Variants in KCNMB2 observed in about 807,000 individuals in gnomAD.
KCNMB2 encodes potassium calcium-activated channel subfamily M regulatory beta subunit 2.
KCNMB2 carries 9 observed loss-of-function variants against 24.5 expected under a neutral mutation model. The ratio of observed to expected loss-of-function variants is 0.37; its 90% CI spans 0.22 to 0.64. The LOEUF is 0.64. Among genes scored for constraint, KCNMB2 ranks in the 30% least tolerant of loss-of-function variants. KCNMB2 has a pLI of 0.63. For synonymous variants in KCNMB2, 109 were observed against 104.4 expected, an observed-to-expected ratio of 1.04 and a Z score of -0.27; for missense variants, 226 against 284.3, an observed-to-expected ratio of 0.79 and a Z score of 1.47.
intron 1 of KCNMB2, among the ~76,000 whole-genome samples, chr3:178,722,050 G>C (rs557493244): frequency 6.6e-6 from 1 of 152,056 alleles, no homozygotes; most frequent in East Asian, 1.9e-4. Context: ...AGAGCAAAAG[G>C]TTTCATTTTG....
At chr3:178,806,511 T>C (rs1713975488) in intron 1 of KCNMB2, among the ~76,000 whole-genome samples, 2 of 152,158 alleles carry the variant, frequency 1.3e-5, no homozygotes, top group African/African-American at 4.8e-5. Context: ...TCACCAGTCT[T>C]CCTTCCTTTG....
chr3:178,571,404 T>A (rs1716774990), intron 1 of KCNMB2, among the ~76,000 whole-genome samples: 1 of 146,922 alleles, frequency 6.8e-6, no homozygotes, highest in African/African-American at 2.5e-5. Context: ...AGAAGGAATA[T>A]TTGTAGGTAA....
At chr3:178,581,026 T>C (rs921652341) in intron 1 of KCNMB2, among the ~76,000 whole-genome samples, 3 of 152,156 alleles carry the variant, frequency 2.0e-5, no homozygotes, top group Non-Finnish European at 4.4e-5. Context: ...ACCTTAAAGT[T>C]CATATGGAAT....
intron 1 of KCNMB2, among the ~76,000 whole-genome samples, chr3:178,700,889 T>C (rs1722067063): frequency 1.3e-5 from 2 of 152,222 alleles, no homozygotes; most frequent in Admixed American, 6.5e-5. Flanking sequence ...GCAAAAATTT[T>C]CTCCCATTCT....
intron 1 of KCNMB2, among the ~76,000 whole-genome samples, chr3:178,697,046 G>A (rs1041412189): frequency 6.6e-6 from 1 of 152,176 alleles, no homozygotes; most frequent in Non-Finnish European, 1.5e-5. Flanking sequence ...TTTAGAGTAT[G>A]TGCCATGTGG....
chr3:178,670,122 A>C (rs775410939), intron 1 of KCNMB2, among the ~76,000 whole-genome samples: 24 of 152,204 alleles, frequency 1.6e-4, no homozygotes, highest in Non-Finnish European at 2.8e-4. Context: ...TTATTGAGCC[A>C]GAAGCATCAT....
At chr3:178,601,252 G>A (rs1423508228) in intron 1 of KCNMB2, among the ~76,000 whole-genome samples, 1 of 152,018 alleles carries the variant, frequency 6.6e-6, no homozygotes, top group Non-Finnish European at 1.5e-5. Context: ...GCAGATGACA[G>A]GTTGATGGGT....
intron 1 of KCNMB2, among the ~76,000 whole-genome samples, chr3:178,607,582 A>G (rs923154195): frequency 1.5e-4 from 23 of 151,862 alleles, no homozygotes; most frequent in African/African-American, 4.8e-4. Context: ...AGTAAATGCA[A>G]TTGTCAATTT....
intron 1 of KCNMB2, among the ~76,000 whole-genome samples, chr3:178,758,116 ATATATATATGTACACACAAGAG>A (rs1724245236): frequency 1.1e-5 from 1 of 90,468 alleles, no homozygotes; most frequent in East Asian, 3.8e-4. Context: ...ACACAAGAGG[ATATATATATGTACACACAAGAG>A]GATATATATA....
chr3:178,578,387 A>C (rs570509439), intron 1 of KCNMB2, among the ~76,000 whole-genome samples: 1 of 152,354 alleles, frequency 6.6e-6, no homozygotes, highest in African/African-American at 2.4e-5. Context: ...TGCACTAAAT[A>C]TGGAGAGGAA....
intron 1 of KCNMB2, among the ~76,000 whole-genome samples, chr3:178,562,497 A>G (rs1282726216): frequency 2.6e-5 from 4 of 152,208 alleles, no homozygotes; most frequent in Non-Finnish European, 5.9e-5. Context: ...AGGCTAAGAA[A>G]AGAAACTTGG....
intron 1 of KCNMB2, among the ~76,000 whole-genome samples, chr3:178,780,977 T>C (rs1712806528): frequency 6.6e-6 from 1 of 152,086 alleles, no homozygotes; most frequent in African/African-American, 2.4e-5. Flanking sequence ...GCACTCCAAA[T>C]GTGGTTGGTC....
chr3:178,680,412 C>G (rs1221094390), intron 1 of KCNMB2, among the ~76,000 whole-genome samples: 1 of 152,232 alleles, frequency 6.6e-6, no homozygotes, highest in Non-Finnish European at 1.5e-5. Flanking sequence ...GGTTGTCACT[C>G]ACCTGGGCTA....
At position 178,828,167 on chromosome 3, in the gene KCNMB2, T is replaced by C. The variant is rs1204584472; in HGVS notation, c.228-11T>C. 4 of 1,609,200 alleles carry C rather than the reference T, an allele frequency of 2.5e-6. No homozygotes were observed. The highest frequency in any genetic ancestry group is 1.7e-4 in the Middle Eastern group (1 of 6,042). ...TTGGGCCTGTGTTTACTCTCACCCC[T>C]TTCTCTGCAGCGTGTGGACCGAAGA... On this transcript the variant is annotated splice_polypyrimidine_tract_variant and intron_variant, in intron 3 of 4. Transcript: ENST00000452583.
intron 1 of KCNMB2, among the ~76,000 whole-genome samples, chr3:178,568,717 T>C (rs1209029960): frequency 6.6e-6 from 1 of 151,916 alleles, no homozygotes; most frequent in African/African-American, 2.4e-5. Flanking sequence ...TTATCCTACC[T>C]GGAATGTGTA....
intron 1 of KCNMB2, among the ~76,000 whole-genome samples, chr3:178,784,795 C>A (rs1393351431): frequency 6.8e-6 from 1 of 147,512 alleles, no homozygotes. Flanking sequence ...TTTCCTTTAT[C>A]TGCTTAGTGT....
chr3:178,617,450 C>T (rs1431659565), intron 1 of KCNMB2, among the ~76,000 whole-genome samples: 1 of 151,790 alleles, frequency 6.6e-6, no homozygotes, highest in African/African-American at 2.4e-5. Flanking sequence ...CCCAGCTACT[C>T]AGGAGGCTGA....
Position 178,756,838 on chromosome 3 carries a change from T to C in KCNMB2, c.-67-50505T>C, listed in dbSNP as rs149622045. The stretch of plus-strand genomic sequence containing the variant: ...AGTTAACAGCATTAAAACTCATGCC[T>C]GAATGAAGCTTATCTAACACATGCA... On this transcript the variant is annotated intron_variant, in intron 1 of 4. Coordinates refer to ENST00000452583, the MANE Select transcript of KCNMB2 (RefSeq NM_181361.3). Among the ~76,000 whole-genome samples, 1,468 of 152,202 alleles carry C rather than the reference T, an allele frequency of 9.6e-3. 26 individuals carry two copies. Among genetic ancestry groups the C allele is most frequent in the African/African-American group, 0.033 (1,381 of 41,536 alleles).
chr3:178,822,442 C>T (rs11929676), intron 2 of KCNMB2, among the ~76,000 whole-genome samples: 39,848 of 152,110 alleles, frequency 0.26, 7,047 homozygotes, highest in African/African-American at 0.51. Context: ...TTTCACCCCA[C>T]GCTGATATTT....
Sources: allele counts gnomAD v4.1 joint callset (sites outside exome capture counted in the v4.1 genomes callset), GRCh38; gene constraint gnomAD v4.1.1; transcripts MANE v1.5; gene names NCBI Gene and HGNC (gene_info 2026-07-23, HGNC 2026-07-21).